Variants in COMMD8 observed in about 807,000 individuals in gnomAD.
The protein encoded by COMMD8 is COMM domain-containing protein 8.
COMMD8 carries 28 observed loss-of-function variants against 27.2 expected under a neutral mutation model. The observed-to-expected ratio is 1.03, with a 90% CI of 0.76 to 1.41. The LOEUF is 1.41. Ranked by LOEUF, COMMD8 falls within the 40% of genes most tolerant of loss-of-function variation. COMMD8 has a pLI of 0.00. For missense variants in COMMD8, 217 were observed against 211.2 expected, an observed-to-expected ratio of 1.03 and a Z score of -0.17; for synonymous variants, 79 against 75.5, an observed-to-expected ratio of 1.05 and a Z score of -0.24.
intron 3 of COMMD8, among the ~76,000 whole-genome samples, chr4:47,456,180 G>C (rs1729879321): frequency 2.0e-5 from 3 of 150,836 alleles, no homozygotes; most frequent in Non-Finnish European, 4.4e-5. Flanking sequence ...CCGGGAGGCA[G>C]AAGTTGCAGT....
Position 47,463,663 on chromosome 4 carries a change from G to C in COMMD8, c.-12C>G. ...TCTTCCGGCTCCATCCCTGCGCGAA[G>C]CTGGGGCTTGGGTCACGTGTCAAGG... On this transcript the variant is annotated 5_prime_UTR_variant, in exon 1 of 5. Transcript: ENST00000381571. 3 of 1,547,246 alleles carry C rather than the reference G, an allele frequency of 1.9e-6. No individual in the cohort carries two copies. The highest frequency in any genetic ancestry group is 1.7e-6 in the Non-Finnish European group (2 of 1,145,304).
rs1560387875 is a variant in COMMD8, at chr4:47,451,303, T to C, written c.*342A>G. On this transcript the variant is annotated 3_prime_UTR_variant, in exon 5 of 5. Coordinates refer to ENST00000381571, the MANE Select transcript of COMMD8 (RefSeq NM_017845.5). ...TTTAAGCAATATTCAAGTATATTTGTGCTTTATATTTTTACATTACTTTAG... is the reference window on the plus strand; with the variant it reads ...TTTAAGCAATATTCAAGTATATTTGCGCTTTATATTTTTACATTACTTTAG... The C allele has an allele frequency of 3.9e-6, 1 of 259,086 alleles. No individual in the cohort carries two copies. The highest frequency in any genetic ancestry group is 1.3e-4 in the East Asian group (1 of 7,770). 16.0% of individuals were successfully genotyped at this position (259,086 alleles called of 1,614,324 possible). A position where few individuals can be genotyped will look rare whatever the true frequency, so the allele number is the denominator to read the frequency against.
At position 47,456,618 on chromosome 4, in the gene COMMD8, T is replaced by C. The variant is rs752603657; in HGVS notation, c.334A>G (p.Ile112Val). 8.1e-6 allele frequency: 13 copies of C among 1,609,670 alleles called. No homozygotes were observed. Among genetic ancestry groups the C allele is most frequent in the African/African-American group, 2.7e-5 (2 of 74,622 alleles). ...AAATCCTGTAGCTGTGCAGAGGAAA[T>C]AGCAACTATTTCTCTTGACAGAGCC... Reference protein sequence around the residue: ...KQALSREIVAISSAQLQDFDW... With the variant: ...KQALSREIVAVSSAQLQDFDW... Residue 112 changes from isoleucine to valine, a missense_variant, in exon 3 of 5, where the codon ATT becomes GTT. Physicochemically the swap from Ile to Val is conservative, Grantham distance 29 (BLOSUM62 3). Transcript: ENST00000381571.
chr4:47,459,565 A>G (rs1048881938), intron 2 of COMMD8, among the ~76,000 whole-genome samples: 4 of 152,186 alleles, frequency 2.6e-5, no homozygotes, highest in Non-Finnish European at 5.9e-5. Flanking sequence ...ATCATCAAAT[A>G]CTACAAGGAG....
intron 3 of COMMD8, among the ~76,000 whole-genome samples, chr4:47,454,830 C>T (rs1289116530): frequency 7.3e-6 from 1 of 137,216 alleles, no homozygotes; most frequent in Non-Finnish European, 1.5e-5. Flanking sequence ...TGCCATTGCA[C>T]TCCAGCCTGG....
At chr4:47,459,374 G>A (rs1181622517) in intron 2 of COMMD8, among the ~76,000 whole-genome samples, 1 of 152,030 alleles carries the variant, frequency 6.6e-6, no homozygotes, top group Non-Finnish European at 1.5e-5. Flanking sequence ...GCAATTCAGT[G>A]GAAGAAGGAT....
intron 3 of COMMD8, among the ~76,000 whole-genome samples, chr4:47,454,794 G>C (rs1021476537): frequency 5.3e-5 from 8 of 150,280 alleles, no homozygotes; most frequent in African/African-American, 2.0e-4. Context: ...GAACCCGGGA[G>C]GTGGGGTTGC....
intron 4 of COMMD8, among the ~76,000 whole-genome samples, chr4:47,451,882 T>G (rs1188710217): frequency 2.0e-5 from 3 of 152,218 alleles, no homozygotes; most frequent in Admixed American, 2.0e-4. Context: ...TTCACACATG[T>G]AGCCCCAGCC....
At position 47,456,630 on chromosome 4, in the gene COMMD8, C is replaced by A. The variant is rs1419662222; in HGVS notation, c.322G>T (p.Glu108Ter). 2.5e-6 allele frequency: 4 copies of A among 1,609,872 alleles called. No individual in the cohort carries two copies. Among genetic ancestry groups the A allele is most frequent in the Non-Finnish European group, 3.4e-6 (4 of 1,178,538 alleles). ...TGTGCAGAGGAAATAGCAACTATTT[C>A]TCTTGACAGAGCCTGTTTGATTTCA... The part of the protein sequence containing the change: ...KDEIKQALSR[E>*]IVAISSAQLQ... Residue 108 changes from glutamate (E) to a stop codon, truncating the protein, a stop_gained, in exon 3 of 5, where the codon GAA (glutamate) becomes TAA (stop). Coordinates refer to ENST00000381571, the MANE Select transcript of COMMD8 (RefSeq NM_017845.5). LOFTEE classifies it high-confidence loss of function.
intron 1 of COMMD8, 51 bp from the exon 2 acceptor site, chr4:47,460,350 A>T: frequency 6.8e-7 from 1 of 1,471,712 alleles, no homozygotes; most frequent in Non-Finnish European, 9.4e-7. Context: ...TGATGAAACA[A>T]ATTTATCTTC....
At chr4:47,452,444 T>C (rs1000499592) in intron 4 of COMMD8, among the ~76,000 whole-genome samples, 3 of 152,196 alleles carry the variant, frequency 2.0e-5, no homozygotes, top group Non-Finnish European at 4.4e-5. Flanking sequence ...ATTTTATTAT[T>C]CTAAGGTAAA....
chr4:47,455,956 T>A (rs891621071), intron 3 of COMMD8, among the ~76,000 whole-genome samples: 1 of 152,072 alleles, frequency 6.6e-6, no homozygotes, highest in Non-Finnish European at 1.5e-5. Context: ...TGGTCAAAAA[T>A]ATATATTGAC....
At chr4:47,459,240 A>G (rs1226841009) in intron 2 of COMMD8, among the ~76,000 whole-genome samples, 2 of 152,154 alleles carry the variant, frequency 1.3e-5, no homozygotes. Context: ...TTTAAAATAC[A>G]TATTTCTAAC....
intron 3 of COMMD8, among the ~76,000 whole-genome samples, chr4:47,454,818 C>T (rs1450869556): frequency 7.7e-6 from 1 of 129,062 alleles, no homozygotes; most frequent in African/African-American, 2.9e-5. Flanking sequence ...GAGCAGAGAT[C>T]GTGCCATTGC....
intron 2 of COMMD8, among the ~76,000 whole-genome samples, chr4:47,457,843 GA>G (rs200822978): frequency 0.062 from 7,014 of 113,928 alleles, 178 homozygotes; most frequent in Middle Eastern, 0.17. Flanking sequence ...GGGAGGAAAA[GA>G]AAAAAAAAAA....
intron 3 of COMMD8, among the ~76,000 whole-genome samples, chr4:47,455,062 G>A (rs1729853522): frequency 6.6e-6 from 1 of 151,874 alleles, no homozygotes; most frequent in Admixed American, 6.6e-5. Flanking sequence ...CCAGGCTGGA[G>A]TGAAGTGGCA....
Position 47,453,013 on chromosome 4 carries a change from C to A in COMMD8, c.531+46G>T, listed in dbSNP as rs28572176. 8.0e-3 allele frequency: 12,204 copies of A among 1,532,154 alleles called. 880 individuals carry two copies. The African/African-American group carries it at 0.15, about 19-fold the overall frequency. 94.9% of individuals were successfully genotyped at this position (1,532,154 alleles called of 1,614,324 possible). On this transcript the variant is annotated intron_variant, in intron 4 of 4. Transcript: ENST00000381571. ...CTCCAACGCAAACAAAAAAAAACCC[C>A]AAAACCTTAAACATTCAAATCATAT...
At chr4:47,454,086 A>G (rs548284412) in intron 3 of COMMD8, among the ~76,000 whole-genome samples, 1 of 152,306 alleles carries the variant, frequency 6.6e-6, no homozygotes, top group African/African-American at 2.4e-5. Context: ...CAGGTTAACT[A>G]TCTTATGCAT....
At chr4:47,454,760 G>A (rs1011450070) in intron 3 of COMMD8, among the ~76,000 whole-genome samples, 5 of 150,436 alleles carry the variant, frequency 3.3e-5, no homozygotes, top group Admixed American at 1.3e-4. Context: ...AGCTACTCAG[G>A]AGGCTGAGGC....
Sources: gnomAD v4.1 joint callset for allele counts (sites outside exome capture counted in the v4.1 genomes callset) on GRCh38, gnomAD v4.1.1 for gene constraint, MANE v1.5 for transcripts, NCBI Gene and HGNC (gene_info 2026-07-23, HGNC 2026-07-21) for gene names.